Variants in TEX9 observed in about 807,000 individuals in gnomAD.
The protein encoded by TEX9 is testis-expressed protein 9.
Under a neutral mutation model 59.6 loss-of-function variants are expected in TEX9, and 74 were observed. That is an observed-to-expected ratio of 1.24 (90% CI 1.03 to 1.51). The LOEUF (loss-of-function observed/expected upper bound fraction) is 1.51. Ranked by LOEUF, TEX9 falls within the 40% of genes most tolerant of loss-of-function variation. The pLI is 0.00. For missense variants in TEX9, 522 were observed against 447.8 expected (o/e 1.17, Z -1.49); for synonymous variants, 186 against 152.2 (o/e 1.22, Z -1.64).
chr15:56,254,918 A>G (rs1278930904), intron 1 of TEX9, among the ~76,000 whole-genome samples: 2 of 152,030 alleles, frequency 1.3e-5, no homozygotes, highest in Admixed American at 6.6e-5. Flanking sequence ...GGACATATGT[A>G]TCACCAATAG....
chr15:56,423,857 G>C (rs548768420), intron 10 of TEX9, among the ~76,000 whole-genome samples: 29 of 152,138 alleles, frequency 1.9e-4, no homozygotes, highest in African/African-American at 7.0e-4. Context: ...CTGAGATTTT[G>C]GTGCACCCAT....
chr15:56,340,681 G>C (rs115966805), intron 1 of TEX9, among the ~76,000 whole-genome samples: 207 of 152,110 alleles, frequency 1.4e-3, no homozygotes, highest in African/African-American at 4.9e-3. Context: ...CCTAGTTCTT[G>C]CTCACGTATG....
intron 1 of TEX9, among the ~76,000 whole-genome samples, chr15:56,307,337 G>T (rs568920480): frequency 1.3e-5 from 2 of 152,258 alleles, no homozygotes; most frequent in Admixed American, 1.3e-4. Context: ...GATTCCCCAT[G>T]CTTTACTGCA....
chr15:56,457,296 C>T, the TEX9 span, among the ~76,000 whole-genome samples: 5 of 151,992 alleles, frequency 3.3e-5, no homozygotes, highest in African/African-American at 1.2e-4. Flanking sequence ...GATCTAGAGG[C>T]TTGATTAAAT....
intron 10 of TEX9, among the ~76,000 whole-genome samples, chr15:56,424,135 G>A (rs1282069394): frequency 6.6e-6 from 1 of 152,088 alleles, no homozygotes; most frequent in Non-Finnish European, 1.5e-5. Flanking sequence ...GTCTGTCAAT[G>A]CTTGCTTCAT....
chr15:56,372,990 T>A (rs1336027585), intron 2 of TEX9, among the ~76,000 whole-genome samples: 6 of 152,046 alleles, frequency 3.9e-5, no homozygotes, highest in African/African-American at 1.4e-4. Flanking sequence ...CACATTTAGC[T>A]CCCCAGTTAT....
At chr15:56,294,109 G>A (rs2045162739) in intron 1 of TEX9, among the ~76,000 whole-genome samples, 1 of 152,186 alleles carries the variant, frequency 6.6e-6, no homozygotes, top group Non-Finnish European at 1.5e-5. Flanking sequence ...TACCCCTGGT[G>A]CCATGACTAG....
chr15:56,266,384 C>T (rs1470937749), intron 1 of TEX9, among the ~76,000 whole-genome samples: 1 of 150,938 alleles, frequency 6.6e-6, no homozygotes, highest in African/African-American at 2.4e-5. Flanking sequence ...GTGCAGGTTT[C>T]TTACATATGT....
intron 2 of TEX9, among the ~76,000 whole-genome samples, chr15:56,370,329 T>A (rs1450832095): frequency 2.0e-5 from 3 of 152,178 alleles, no homozygotes; most frequent in South Asian, 2.1e-4. Context: ...TCAATTTTTT[T>A]ATAGTCTGTA....
At chr15:56,338,412 G>T (rs2713920) in intron 1 of TEX9, among the ~76,000 whole-genome samples, 4,822 of 152,248 alleles carry the variant, frequency 0.032, 189 homozygotes, top group East Asian at 0.096. Context: ...CAGGTTTTGG[G>T]TGGTGCAGTA....
intron 12 of TEX9, among the ~76,000 whole-genome samples, chr15:56,433,125 T>C (rs1351694563): frequency 2.6e-5 from 4 of 152,064 alleles, no homozygotes; most frequent in African/African-American, 9.7e-5. Context: ...CAAAATAGAA[T>C]TATTTGCACC....
intron 3 of TEX9, among the ~76,000 whole-genome samples, chr15:56,376,610 A>G (rs1567107850): frequency 6.6e-6 from 1 of 152,016 alleles, no homozygotes; most frequent in East Asian, 1.9e-4. Context: ...TTATTAGATT[A>G]TTAGATTTTT....
At chr15:56,370,796 T>G (rs1489932031) in intron 2 of TEX9, among the ~76,000 whole-genome samples, 1 of 152,216 alleles carries the variant, frequency 6.6e-6, no homozygotes, top group Admixed American at 6.5e-5. Context: ...ATCCATGTCT[T>G]CAGTTTGGGA....
intron 12 of TEX9, among the ~76,000 whole-genome samples, chr15:56,440,456 A>G (rs1197282974): frequency 6.6e-6 from 1 of 152,178 alleles, no homozygotes; most frequent in African/African-American, 2.4e-5. Context: ...CAGCTAATAC[A>G]ATCTTGAGCA....
intron 1 of TEX9, among the ~76,000 whole-genome samples, chr15:56,265,661 A>AT (rs1414149791): frequency 6.6e-6 from 1 of 152,024 alleles, no homozygotes; most frequent in Non-Finnish European, 1.5e-5. Flanking sequence ...TCCAAATAGG[A>AT]TTTTTTTCAG....
At chr15:56,312,547 G>A (rs1180553792) in intron 1 of TEX9, among the ~76,000 whole-genome samples, 1 of 150,184 alleles carries the variant, frequency 6.7e-6, no homozygotes, top group Non-Finnish European at 1.5e-5. Flanking sequence ...GGTTACTGTA[G>A]CCTTGTAGTA....
chr15:56,448,117 C>T (rs2050921226), downstream of TEX9, among the ~76,000 whole-genome samples: 1 of 152,050 alleles, frequency 6.6e-6, no homozygotes, highest in South Asian at 2.1e-4. Context: ...AATTTGAGTA[C>T]CAGTTATTTG....
chr15:56,278,461 C>T (rs1006843797), intron 1 of TEX9, among the ~76,000 whole-genome samples: 7 of 152,296 alleles, frequency 4.6e-5, no homozygotes, highest in East Asian at 1.9e-4. Flanking sequence ...GGCCCATCAT[C>T]CCATTTTGAC....
chr15:56,303,693 A>G (rs1420169039), intron 1 of TEX9, among the ~76,000 whole-genome samples: 1 of 152,162 alleles, frequency 6.6e-6, no homozygotes, highest in African/African-American at 2.4e-5. Context: ...TGGAAATGAA[A>G]AGGACAATAC....
Sources: allele counts gnomAD v4.1 joint callset (sites outside exome capture counted in the v4.1 genomes callset), GRCh38; gene constraint gnomAD v4.1.1; transcripts MANE v1.5; gene names NCBI Gene and HGNC (gene_info 2026-07-23, HGNC 2026-07-21).